Variants in GOLIM4 observed in about 807,000 individuals in gnomAD.
GOLIM4 encodes 130 kDa golgi-localized phosphoprotein.
Under a neutral mutation model 107.4 loss-of-function variants are expected in GOLIM4, and 71 were observed. That is an observed-to-expected ratio of 0.66 (90% confidence interval 0.55 to 0.81). GOLIM4 has a LOEUF of 0.81. Among genes scored for constraint, GOLIM4 ranks in the 30% least tolerant of loss-of-function variants. GOLIM4 has a pLI of 0.00. For synonymous variants in GOLIM4, 327 were observed against 294.8 expected (o/e 1.11, Z -1.12); for missense variants, 830 against 826.1 (o/e 1.00, Z -0.06).
intron 1 of GOLIM4, among the ~76,000 whole-genome samples, chr3:168,064,862 T>G (rs535902984): frequency 6.6e-6 from 1 of 152,142 alleles, no homozygotes; most frequent in African/African-American, 2.4e-5. Flanking sequence ...GTATTCTAAT[T>G]AGACGTCCAG....
intron 6 of GOLIM4, 199 bp from the exon 7 acceptor site, chr3:168,041,068 T>C: frequency 2.0e-6 from 1 of 507,468 alleles, no homozygotes; most frequent in East Asian, 3.1e-5. Flanking sequence ...GCTACCCAAA[T>C]ATCATAATCA....
At chr3:168,051,929 A>G (rs1719670826) in intron 1 of GOLIM4, among the ~76,000 whole-genome samples, 1 of 151,268 alleles carries the variant, frequency 6.6e-6, no homozygotes, top group Admixed American at 6.6e-5. Flanking sequence ...AAGAAACCAC[A>G]TCAGGTAAAG....
intron 1 of GOLIM4, among the ~76,000 whole-genome samples, chr3:168,093,540 T>C (rs4955786): frequency 0.34 from 52,296 of 152,090 alleles, 9,887 homozygotes; most frequent in East Asian, 0.57. Flanking sequence ...AATCTAGTCC[T>C]GTTATACTAT....
chr3:168,067,781 G>A (rs1720626392), intron 1 of GOLIM4, among the ~76,000 whole-genome samples: 1 of 152,044 alleles, frequency 6.6e-6, no homozygotes, highest in African/African-American at 2.4e-5. Context: ...AAATGCATCA[G>A]AGAATACAAC....
chr3:168,079,767 T>C (rs1349238294), intron 1 of GOLIM4, among the ~76,000 whole-genome samples: 1 of 152,094 alleles, frequency 6.6e-6, no homozygotes, highest in African/African-American at 2.4e-5. Context: ...GTAATAGTAA[T>C]TTCTGTCTAG....
intron 1 of GOLIM4, among the ~76,000 whole-genome samples, chr3:168,054,418 C>T (rs2108260824): frequency 6.6e-6 from 1 of 152,310 alleles, no homozygotes; most frequent in South Asian, 2.1e-4. Flanking sequence ...CCTTGAGCCT[C>T]ACTGCTCTTG....
chr3:168,036,803 C>A (rs367676962), intron 8 of GOLIM4, 33 bp downstream of exon 8: 25 of 1,535,470 alleles, frequency 1.6e-5, no homozygotes, highest in East Asian at 2.3e-5. Context: ...GAGAAAGTGA[C>A]CTAACCATAG....
chr3:168,041,142 TAAA>T (rs1427557827), intron 6 of GOLIM4: 4 of 514,728 alleles, frequency 7.8e-6, no homozygotes, highest in Non-Finnish European at 1.4e-5. Flanking sequence ...CTTTTATAAA[TAAA>T]AAGCTTATTA....
intron 1 of GOLIM4, among the ~76,000 whole-genome samples, chr3:168,065,232 G>A (rs973511980): frequency 1.3e-5 from 2 of 152,160 alleles, no homozygotes; most frequent in African/African-American, 4.8e-5. Context: ...TTATAGTAAA[G>A]GAGAAGAGTA....
intron 1 of GOLIM4, among the ~76,000 whole-genome samples, chr3:168,075,389 C>T (rs1302113573): frequency 4.1e-5 from 6 of 148,028 alleles, no homozygotes; most frequent in East Asian, 2.0e-4. Context: ...CTCCGCCTCC[C>T]GGGTTCACGC....
chr3:168,041,197 T>C lies in GOLIM4; in HGVS notation c.600+195A>G, dbSNP rs1718979717. The C allele has an allele frequency of 1.1e-5, 6 of 530,682 alleles. No homozygotes were observed. In the East Asian group the frequency reaches 1.8e-4, roughly 16 times the overall value. 32.9% of individuals were successfully genotyped at this position (530,682 alleles called of 1,614,324 possible). ...AGAATAATTTCAGTACTAATGAGAATATTCAGATTTTCAGACCATCTTTTA... is the reference window on the plus strand; with the variant it reads ...AGAATAATTTCAGTACTAATGAGAACATTCAGATTTTCAGACCATCTTTTA... On this transcript the variant is annotated intron_variant, in intron 6 of 15. Coordinates refer to ENST00000470487, the MANE Select transcript of GOLIM4 (RefSeq NM_014498.5).
rs747645282 is a variant in GOLIM4 at position 168,032,762 on chromosome 3, C to T, written c.934G>A (p.Ala312Thr). The T allele has an allele frequency of 1.9e-6, 3 of 1,613,908 alleles. No individual in the cohort carries two copies. The highest frequency in any genetic ancestry group is 2.2e-5 in the South Asian group (2 of 91,074). ...GGCTCTGGGGGAGCCTGAAATTCTGCCTCCTTATGGGTGGGAGCATAGAGT... is the reference window on the plus strand; with the variant it reads ...GGCTCTGGGGGAGCCTGAAATTCTGTCTCCTTATGGGTGGGAGCATAGAGT... ...TKLYAPTHKE[A>T]EFQAPPEPIQ... is the part of the protein sequence containing the mutation. The change falls in exon 9 of 16, where the codon GCA becomes ACA. Residue 312 changes from alanine to threonine, a missense_variant. Physicochemically the swap from Ala to Thr is moderately conservative, Grantham distance 58 (BLOSUM62 0). Coordinates refer to ENST00000470487, the MANE Select transcript of GOLIM4 (RefSeq NM_014498.5).
At chr3:168,084,270 C>T (rs2108292036) in intron 1 of GOLIM4, among the ~76,000 whole-genome samples, 1 of 152,272 alleles carries the variant, frequency 6.6e-6, no homozygotes, top group African/African-American at 2.4e-5. Flanking sequence ...AGCCATGCTT[C>T]CTATATAGCC....
chr3:168,078,916 T>C (rs531797097), intron 1 of GOLIM4, among the ~76,000 whole-genome samples: 1 of 150,964 alleles, frequency 6.6e-6, no homozygotes, highest in Non-Finnish European at 1.5e-5. Context: ...CAAATGCTTG[T>C]GTTTTGAACA....
At chr3:168,023,854 C>G (rs1043890003) in intron 14 of GOLIM4, among the ~76,000 whole-genome samples, 1 of 152,288 alleles carries the variant, frequency 6.6e-6, no homozygotes, top group East Asian at 1.9e-4. Flanking sequence ...CAATAATCAA[C>G]TACACCGTAA....
chr3:168,036,729 G>A, intron 8 of GOLIM4, 107 bp downstream of exon 8: 1 of 801,402 alleles, frequency 1.2e-6, no homozygotes, highest in Non-Finnish European at 2.0e-6. Context: ...TAAAATTTGA[G>A]AACTACTGCT....
intron 8 of GOLIM4, among the ~76,000 whole-genome samples, chr3:168,035,118 C>T (rs1002133932): frequency 6.6e-6 from 1 of 150,492 alleles, no homozygotes; most frequent in African/African-American, 2.4e-5. Flanking sequence ...TTATCTCACA[C>T]CAGTCAGAAG....
intron 1 of GOLIM4, among the ~76,000 whole-genome samples, chr3:168,079,734 T>C (rs1003933928): frequency 6.6e-6 from 1 of 152,140 alleles, no homozygotes; most frequent in African/African-American, 2.4e-5. Context: ...AGGTATAAAA[T>C]ATAAGAACTC....
chr3:168,027,612 G>A (rs74977752), intron 12 of GOLIM4, 116 bp downstream of exon 12: 90,909 of 704,896 alleles, frequency 0.13, 6,958 homozygotes, highest in Non-Finnish European at 0.16. Flanking sequence ...TTTTCCTTCT[G>A]GGCTGAGGAT....
Sources: gnomAD v4.1 joint callset for allele counts (sites outside exome capture counted in the v4.1 genomes callset) on GRCh38, gnomAD v4.1.1 for gene constraint, MANE v1.5 for transcripts, NCBI Gene and HGNC (gene_info 2026-07-23, HGNC 2026-07-21) for gene names.